The following ABRA variants were observed in gnomAD, a reference collection of about 807,000 sequenced individuals.
The protein encoded by ABRA is actin binding Rho activating protein, also known as actin-binding Rho-activating protein.
A neutral mutation model predicts 33.4 loss-of-function variants in ABRA; 25 were observed. The ratio of observed to expected loss-of-function variants is 0.75; its 90% CI spans 0.55 to 1.04. The LOEUF is 1.04. Among genes scored for constraint, ABRA ranks in the 50% least tolerant of loss-of-function variants. The pLI is 0.00. For synonymous variants in ABRA, 193 were observed against 176.8 expected, an observed-to-expected ratio of 1.09 and a Z score of -0.73; for missense variants, 501 against 491.7, an observed-to-expected ratio of 1.02 and a Z score of -0.18.
rs375456235 is a variant in ABRA at position 106,767,037 on chromosome 8, G to C, written c.668+2486C>G. On this transcript the variant is annotated intron_variant, in intron 1 of 1. Coordinates refer to ENST00000311955, the MANE Select transcript of ABRA (RefSeq NM_139166.5). ...CCACTCCCCACTTTTAGGTGAGACAGTTTACTCAGAGCCAGAATGACTGAG... is the reference window on the plus strand; with the variant it reads ...CCACTCCCCACTTTTAGGTGAGACACTTTACTCAGAGCCAGAATGACTGAG... Among the ~76,000 whole-genome samples, 150 of 152,288 alleles carry C rather than the reference G, an allele frequency of 9.8e-4. 2 individuals are homozygous for C. Among genetic ancestry groups the C allele is most frequent in the African/African-American group, 3.5e-3 (144 of 41,574 alleles).
In ABRA at chr8:106,770,157, G is replaced by T; in HGVS notation, c.34C>A (p.Pro12Thr). The change falls in exon 1 of 2, where the codon CCA becomes ACA. Residue 12 changes from proline to threonine, a missense_variant. Pro to Thr is a conservative substitution (Grantham distance 38). Transcript: ENST00000311955. ...ATCTTCCGGAGGGCGCTCTTGGCTG[G>T]GCCCTCCCCGCTTTCCTTTTCGCCC... is the stretch of plus-strand genomic sequence containing the variant. The part of the protein sequence containing the change: ...APGEKESGEG[P>T]AKSALRKIRT... 6.2e-7 allele frequency: 1 copy of T among 1,612,068 alleles called. No homozygotes were observed. The highest frequency in any genetic ancestry group is 1.3e-5 in the African/African-American group (1 of 74,990).
rs1168794631 is a variant in ABRA at position 106,770,173 on chromosome 8, C to T, written c.18G>A (p.Lys6=). 6.2e-7 allele frequency: 1 copy of T among 1,608,420 alleles called. No homozygotes were observed. Among genetic ancestry groups the T allele is most frequent in the East Asian group, 2.2e-5 (1 of 44,868 alleles). MAPGE[K]ESGEGPAKSA... is the part of the protein sequence containing the mutation. ...TCTTGGCTGGGCCCTCCCCGCTTTC[C>T]TTTTCGCCCGGAGCCATGCTGCCCA... Residue 6 remains lysine, a synonymous_variant, in exon 1 of 2, where the codon AAG becomes AAA. Coordinates refer to ENST00000311955, the MANE Select transcript of ABRA (RefSeq NM_139166.5).
intron 1 of ABRA, among the ~76,000 whole-genome samples, chr8:106,766,328 G>A (rs2131632380): frequency 6.6e-6 from 1 of 152,204 alleles, no homozygotes; most frequent in Middle Eastern, 3.4e-3. Flanking sequence ...CAGTTGATCT[G>A]TTTCTACTAT....
At chr8:106,769,276 T>C (rs1472774218) in intron 1 of ABRA, among the ~76,000 whole-genome samples, 14 of 152,152 alleles carry the variant, frequency 9.2e-5, no homozygotes, top group Non-Finnish European at 2.1e-4. Flanking sequence ...GGCTAAGACT[T>C]GAGTGTTCAG....
At chr8:106,763,544 C>T in intron 1 of ABRA, among the ~76,000 whole-genome samples, 1 of 152,208 alleles carries the variant, frequency 6.6e-6, no homozygotes, top group Non-Finnish European at 1.5e-5. Flanking sequence ...TCTCCATCGA[C>T]TTTTCCTGTT....
intron 1 of ABRA, among the ~76,000 whole-genome samples, chr8:106,762,665 G>A (rs1214310215): frequency 6.6e-6 from 1 of 152,052 alleles, no homozygotes; most frequent in African/African-American, 2.4e-5. Flanking sequence ...GCCTGTTGGG[G>A]GTCAGGGGGA....
chr8:106,769,836 C>T lies in ABRA; in HGVS notation c.355G>A (p.Glu119Lys). The change falls in exon 1 of 2, where the codon GAG (glutamate) becomes AAG (lysine). Residue 119 changes from glutamate to lysine, a missense_variant. Coordinates refer to ENST00000311955, the MANE Select transcript of ABRA (RefSeq NM_139166.5). ...VSKTVVSKTY[E>K]RGGDVSHLSH... Reference sequence around the variant, plus strand: ...AGGTGGCTCACGTCCCCTCCTCTCTCATAAGTCTTGCTGACCACCGTTTTG... The same window carrying T: ...AGGTGGCTCACGTCCCCTCCTCTCTTATAAGTCTTGCTGACCACCGTTTTG... The T allele has an allele frequency of 6.2e-7, 1 of 1,614,068 alleles. No individual in the cohort carries two copies. Among genetic ancestry groups the T allele is most frequent in the Non-Finnish European group, 8.5e-7 (1 of 1,180,012 alleles).
rs148548347 is a variant in ABRA, at chr8:106,769,716, G to A, written c.475C>T (p.Arg159Trp). 1.3e-5 allele frequency: 21 copies of A among 1,613,958 alleles called. No individual in the cohort carries two copies. In the East Asian group the frequency reaches 1.3e-4, roughly 10 times the overall value. ...ACCAGGTTGGCACATTTTCTCCTCC[G>A]CGTTGGGGAGCCGTGGCTGTGGAGG... is the stretch of plus-strand genomic sequence containing the variant. ...RILHSHGSPTRRRKCANLVSE... is the reference protein window; with the variant it reads ...RILHSHGSPTWRRKCANLVSE... Residue 159 changes from arginine to tryptophan, a missense_variant, in exon 1 of 2, where the codon CGG becomes TGG. By Grantham distance (101) the Arg-to-Trp change is moderately radical. Coordinates refer to ENST00000311955, the MANE Select transcript of ABRA (RefSeq NM_139166.5).
At chr8:106,762,543 G>A (rs1474981156) in intron 1 of ABRA, among the ~76,000 whole-genome samples, 1 of 152,096 alleles carries the variant, frequency 6.6e-6, no homozygotes, top group African/African-American at 2.4e-5. Flanking sequence ...ATTAGGATGG[G>A]GCAGCAAACT....
chr8:106,770,139 G>A lies in ABRA; in HGVS notation c.52C>T (p.Arg18Trp), dbSNP rs150897638. Residue 18 changes from arginine (R) to tryptophan (W), a missense_variant, in exon 1 of 2, where the codon CGG becomes TGG. Arg to Trp is a moderately radical substitution (Grantham distance 101). Coordinates refer to ENST00000311955, the MANE Select transcript of ABRA (RefSeq NM_139166.5). ...ACCAGGGTGGCTGTGCGTATCTTCC[G>A]GAGGGCGCTCTTGGCTGGGCCCTCC... The part of the protein sequence containing the change: ...SGEGPAKSAL[R>W]KIRTATLVIS... 1.9e-5 allele frequency: 30 copies of A among 1,613,288 alleles called. No homozygotes were observed. The highest frequency in any genetic ancestry group is 1.6e-4 in the Middle Eastern group (1 of 6,080).
Position 106,760,887 on chromosome 8 carries a change from A to T in ABRA, c.*150T>A. ...CAAAATCTCCAAAATTCCTCATTCT[A>T]GATAGAAATAGAATGCCAGAAAGTC... On this transcript the variant is annotated 3_prime_UTR_variant, in exon 2 of 2. Transcript: ENST00000311955. 1.4e-6 allele frequency: 1 copy of T among 728,690 alleles called. No homozygotes were observed. The highest frequency in any genetic ancestry group is 2.3e-6 in the Non-Finnish European group (1 of 432,376). 45.1% of individuals were successfully genotyped at this position (728,690 alleles called of 1,614,324 possible). A position where few individuals can be genotyped will look rare whatever the true frequency, so the allele number is the denominator to read the frequency against.
At chr8:106,762,514 G>A (rs139428611) in intron 1 of ABRA, among the ~76,000 whole-genome samples, 142 of 152,244 alleles carry the variant, frequency 9.3e-4, no homozygotes, top group African/African-American at 3.1e-3. Context: ...TAGTAGTATC[G>A]TGAGGATGCC....
chr8:106,767,493 A>G (rs1836240435), intron 1 of ABRA, among the ~76,000 whole-genome samples: 1 of 152,208 alleles, frequency 6.6e-6, no homozygotes, highest in Admixed American at 6.5e-5. Context: ...ATGCATCCTC[A>G]AGACACTGCA....
chr8:106,769,852 C>T lies in ABRA; in HGVS notation c.339G>A (p.Val113=). The change falls in exon 1 of 2, where the codon GTG becomes GTA. Residue 113 remains valine, a synonymous_variant. Coordinates refer to ENST00000311955, the MANE Select transcript of ABRA (RefSeq NM_139166.5). ...HIKKKEVSKT[V]VSKTYERGGD... is the part of the protein sequence containing the mutation. ...CTCCTCTCTCATAAGTCTTGCTGACCACCGTTTTGGACACCTCTTTCTTTT... is the reference window on the plus strand; with the variant it reads ...CTCCTCTCTCATAAGTCTTGCTGACTACCGTTTTGGACACCTCTTTCTTTT... The T allele has an allele frequency of 6.2e-7, 1 of 1,614,168 alleles. No homozygotes were observed. Among genetic ancestry groups the T allele is most frequent in the Non-Finnish European group, 8.5e-7 (1 of 1,180,044 alleles).
chr8:106,770,233 T>C lies in ABRA; in HGVS notation c.-43A>G. The C allele has an allele frequency of 6.4e-7, 1 of 1,565,776 alleles. No individual in the cohort carries two copies. Among genetic ancestry groups the C allele is most frequent in the Non-Finnish European group, 8.6e-7 (1 of 1,162,808 alleles). ...CTCTGCTGATAGCCTGGACACTGGC[T>C]AAAATGAGTGTGGTCCAGTGGAGTG... On this transcript the variant is annotated 5_prime_UTR_variant, in exon 1 of 2. Transcript: ENST00000311955.
At chr8:106,762,980 T>C (rs996492810) in intron 1 of ABRA, among the ~76,000 whole-genome samples, 9 of 152,172 alleles carry the variant, frequency 5.9e-5, no homozygotes, top group Non-Finnish European at 1.0e-4. Context: ...CAGTAACAAG[T>C]GGCCTCATGC....
chr8:106,765,785 CA>C (rs1315706124), intron 1 of ABRA, among the ~76,000 whole-genome samples: 1 of 152,166 alleles, frequency 6.6e-6, no homozygotes, highest in Non-Finnish European at 1.5e-5. Context: ...GGCAGAAGGA[CA>C]GCATAATTTT....
chr8:106,767,802 A>G (rs1322977384), intron 1 of ABRA, among the ~76,000 whole-genome samples: 3 of 152,190 alleles, frequency 2.0e-5, no homozygotes, highest in Non-Finnish European at 4.4e-5. Flanking sequence ...GTCTCAAACT[A>G]TAAGACAGCT....
rs1053333102 is a variant in ABRA at position 106,769,964 on chromosome 8, T to C, written c.227A>G (p.Gln76Arg). The C allele has an allele frequency of 1.9e-6, 3 of 1,612,690 alleles. No homozygotes were observed. In the African/African-American group the frequency reaches 4.0e-5, roughly 22 times the overall value. Reference sequence around the variant, plus strand: ...GCGGGGTGGCGACTTTGGGGCACTCTGAGCTTTCTGGTGTGAAGTAGGGGG... The same window carrying C: ...GCGGGGTGGCGACTTTGGGGCACTCCGAGCTTTCTGGTGTGAAGTAGGGGG... Reference protein sequence around the residue: ...ITPPTSHQKAQSAPKSPPRLP... With the variant: ...ITPPTSHQKARSAPKSPPRLP... Residue 76 changes from glutamine (Q) to arginine (R), a missense_variant, in exon 1 of 2, where the codon CAG (glutamine) becomes CGG (arginine). By Grantham distance (43) the Gln-to-Arg change is conservative. Coordinates refer to ENST00000311955, the MANE Select transcript of ABRA (RefSeq NM_139166.5).
Sources: allele counts gnomAD v4.1 joint callset (sites outside exome capture counted in the v4.1 genomes callset), GRCh38; gene constraint gnomAD v4.1.1; transcripts MANE v1.5; gene names NCBI Gene and HGNC (gene_info 2026-07-23, HGNC 2026-07-21).